FAR1: variants seen among roughly 807,000 people sequenced by gnomAD.
FAR1 encodes fatty acyl-CoA reductase 1.
Under a neutral mutation model 61.1 loss-of-function variants are expected in FAR1, and 22 were observed. The ratio of observed to expected loss-of-function variants is 0.36; its 90% CI spans 0.26 to 0.51. The LOEUF (loss-of-function observed/expected upper bound fraction) is 0.51. FAR1 is among the 20% of genes least tolerant of loss of function. The pLI is 0.95. For synonymous variants in FAR1, 206 were observed against 209.7 expected, an observed-to-expected ratio of 0.98 and a Z score of 0.15; for missense variants, 359 against 626.9, an observed-to-expected ratio of 0.57 and a Z score of 4.56.
intron 10 of FAR1, among the ~76,000 whole-genome samples, chr11:13,724,710 A>G (rs1208466132): frequency 6.6e-6 from 1 of 152,158 alleles, no homozygotes; most frequent in Non-Finnish European, 1.5e-5. Context: ...TTGTTTGAAC[A>G]TATCAAAAAC....
At chr11:13,693,985 A>G (rs902868528) in intron 1 of FAR1, among the ~76,000 whole-genome samples, 1 of 152,126 alleles carries the variant, frequency 6.6e-6, no homozygotes, top group Admixed American at 6.6e-5. Flanking sequence ...TCATGCATCT[A>G]TTAATATTTT....
At chr11:13,674,294 G>T (rs1591252310) in intron 1 of FAR1, among the ~76,000 whole-genome samples, 1 of 146,378 alleles carries the variant, frequency 6.8e-6, no homozygotes, top group Non-Finnish European at 1.5e-5. Flanking sequence ...GGACAACAGA[G>T]CAAGACTCCG....
chr11:13,711,647 T>C (rs1565349219), intron 5 of FAR1, 117 bp from the exon 6 acceptor site: 2 of 777,498 alleles, frequency 2.6e-6, no homozygotes. Flanking sequence ...TAGTCTGTTT[T>C]TTAGTTTTTA....
rs1163864932 is a variant in FAR1 at position 13,702,476 on chromosome 11, T to TTG, written c.365+1992_365+1993dup. On this transcript the variant is annotated intron_variant, in intron 3 of 11. Transcript: ENST00000354817. Reference sequence around the variant, plus strand: ...CTTATTTTTTACATTTAAAATTTTGTTGTGTGTGTATATTTTTGTATATAG... The same window carrying TTG: ...CTTATTTTTTACATTTAAAATTTTGTTGTGTGTGTGTATATTTTTGTATATAG... 3.3e-5 allele frequency among the ~76,000 whole-genome samples: 5 copies of TTG among 152,264 alleles called. No individual in the cohort carries two copies. In the East Asian group the frequency reaches 9.6e-4, roughly 29 times the overall value.
chr11:13,719,612 T>G (rs1321867827), intron 9 of FAR1, among the ~76,000 whole-genome samples: 1 of 152,194 alleles, frequency 6.6e-6, no homozygotes, highest in East Asian at 1.9e-4. Flanking sequence ...CTAGCATAAC[T>G]TTATCTAGCT....
intron 3 of FAR1, among the ~76,000 whole-genome samples, chr11:13,702,194 T>A (rs958480784): frequency 6.6e-6 from 1 of 152,142 alleles, no homozygotes; most frequent in Non-Finnish European, 1.5e-5. Context: ...GACTATAATA[T>A]GATCTTATTT....
intron 1 of FAR1, among the ~76,000 whole-genome samples, chr11:13,671,323 A>G (rs1848001322): frequency 6.6e-6 from 1 of 152,246 alleles, no homozygotes; most frequent in South Asian, 2.1e-4. Flanking sequence ...CAAATTAAAA[A>G]TGGTTTTTAA....
intron 1 of FAR1, among the ~76,000 whole-genome samples, chr11:13,680,024 A>G (rs1047469232): frequency 8.5e-5 from 13 of 152,192 alleles, no homozygotes; most frequent in Admixed American, 3.9e-4. Flanking sequence ...TGGCCATTAT[A>G]TCTACTTCAA....
chr11:13,700,368 G>C lies in FAR1; in HGVS notation c.241G>C (p.Ala81Pro), dbSNP rs2134183999. The C allele has an allele frequency of 6.3e-7, 1 of 1,599,318 alleles. No individual in the cohort carries two copies. The change falls in exon 3 of 12, where the codon GCA becomes CCA. Residue 81 changes from alanine to proline, a missense_variant. Transcript: ENST00000354817. Reference protein sequence around the residue: ...ENPDFREKIIAINSELTQPKL... With the variant: ...ENPDFREKIIPINSELTQPKL... The stretch of plus-strand genomic sequence containing the variant: ...TCCAGATTTTAGAGAGAAAATTATA[G>C]CAATCAACAGCGAACTCACCCAACC...
intron 9 of FAR1, among the ~76,000 whole-genome samples, chr11:13,715,158 G>A (rs1848542156): frequency 6.6e-6 from 1 of 152,106 alleles, no homozygotes; most frequent in African/African-American, 2.4e-5. Flanking sequence ...AAGAAGAATA[G>A]CAGTAAATAC....
chr11:13,699,877 T>C (rs898281919), intron 2 of FAR1, among the ~76,000 whole-genome samples: 2 of 152,214 alleles, frequency 1.3e-5, no homozygotes, highest in African/African-American at 4.8e-5. Flanking sequence ...CGTGTTTTTT[T>C]CTAATCTACT....
intron 3 of FAR1, among the ~76,000 whole-genome samples, chr11:13,705,007 A>C (rs914143962): frequency 1.3e-5 from 2 of 152,180 alleles, no homozygotes; most frequent in Non-Finnish European, 2.9e-5. Context: ...TGAAAAACCT[A>C]AGATGCCTGT....
chr11:13,724,796 C>T (rs1185787391), intron 10 of FAR1, among the ~76,000 whole-genome samples: 2 of 152,172 alleles, frequency 1.3e-5, no homozygotes, highest in Non-Finnish European at 2.9e-5. Flanking sequence ...ATTTTATACT[C>T]CACTGCATGT....
chr11:13,674,547 C>T (rs1848045170), intron 1 of FAR1, among the ~76,000 whole-genome samples: 1 of 152,098 alleles, frequency 6.6e-6, no homozygotes, highest in African/African-American at 2.4e-5. Context: ...CCCTAGATGC[C>T]TTTCTTAAAA....
At chr11:13,687,682 T>A (rs985524741) in intron 1 of FAR1, among the ~76,000 whole-genome samples, 1 of 152,196 alleles carries the variant, frequency 6.6e-6, no homozygotes, top group African/African-American at 2.4e-5. Flanking sequence ...AATACATTTC[T>A]TTTCAAATTA....
intron 7 of FAR1, 84 bp downstream of exon 7, chr11:13,712,130 C>T: frequency 1.0e-6 from 1 of 962,264 alleles, no homozygotes; most frequent in South Asian, 1.3e-5. Context: ...TAATTAATCC[C>T]TCTATCCAGA....
At chr11:13,670,075 TA>T (rs1847980003) in intron 1 of FAR1, 1 of 152,092 alleles carries the variant, frequency 6.6e-6, no homozygotes, top group African/African-American at 2.4e-5. Context: ...CAAATTAATT[TA>T]AAAAGTAAAC....
At chr11:13,687,739 G>T (rs1373563048) in intron 1 of FAR1, among the ~76,000 whole-genome samples, 1 of 152,070 alleles carries the variant, frequency 6.6e-6, no homozygotes, top group Non-Finnish European at 1.5e-5. Flanking sequence ...AATATTTAGT[G>T]CTTGTCATAT....
At position 13,668,729 on chromosome 11, in the gene FAR1, C is replaced by G. The variant is rs868695101; in HGVS notation, c.-85C>G. Reference sequence around the variant, plus strand: ...GCGGTGGAAAAGCGAGTGAAGAGAGCGCGACGGCGGCGGCGGCGGCGGCGC... The same window carrying G: ...GCGGTGGAAAAGCGAGTGAAGAGAGGGCGACGGCGGCGGCGGCGGCGGCGC... On this transcript the variant is annotated 5_prime_UTR_variant, in exon 1 of 12. Coordinates refer to ENST00000354817, the MANE Select transcript of FAR1 (RefSeq NM_032228.6). The G allele has an allele frequency of 7.0e-5, 11 of 156,958 alleles. No individual in the cohort carries two copies. Among genetic ancestry groups the G allele is most frequent in the African/African-American group, 1.4e-4 (6 of 41,582 alleles). The allele number at this position is 156,958 out of a possible 1,614,324, so 9.7% of individuals were successfully genotyped here.
Sources: allele counts gnomAD v4.1 joint callset (sites outside exome capture counted in the v4.1 genomes callset), GRCh38; gene constraint gnomAD v4.1.1; transcripts MANE v1.5; gene names NCBI Gene and HGNC (gene_info 2026-07-23, HGNC 2026-07-21).